NNMT: variants seen among roughly 807,000 people sequenced by gnomAD.
NNMT encodes nicotinamide N-methyltransferase.
A neutral mutation model predicts 11.7 loss-of-function variants in NNMT; 10 were observed. That is an observed-to-expected ratio of 0.85 (90% confidence interval 0.53 to 1.45). The LOEUF is 1.45. Among genes scored for constraint, NNMT ranks in the 40% most tolerant of loss-of-function variants. The pLI is 0.00. For synonymous variants in NNMT, 143 were observed against 133.8 expected (o/e 1.07, Z -0.48); for missense variants, 381 against 319.4 (o/e 1.19, Z -1.47).
chr11:114,274,007 C>T (rs1362443050), intron 2 of NNMT, among the ~76,000 whole-genome samples: 1 of 152,136 alleles, frequency 6.6e-6, no homozygotes, highest in Non-Finnish European at 1.5e-5. Flanking sequence ...AAAGCTTGTT[C>T]TCTACTAGTT....
intron 2 of NNMT, among the ~76,000 whole-genome samples, chr11:114,278,942 A>G (rs2135254771): frequency 6.6e-6 from 1 of 152,348 alleles, no homozygotes; most frequent in African/African-American, 2.4e-5. Context: ...CAGGGTTTCC[A>G]GGGCAGGTGC....
chr11:114,274,050 A>G (rs764512101), intron 2 of NNMT, among the ~76,000 whole-genome samples: 1 of 152,044 alleles, frequency 6.6e-6, no homozygotes, highest in Non-Finnish European at 1.5e-5. Flanking sequence ...TCCTGCTCCT[A>G]ACACTCCCCT....
At chr11:114,272,571 T>G (rs1296882229) in intron 2 of NNMT, among the ~76,000 whole-genome samples, 1 of 152,122 alleles carries the variant, frequency 6.6e-6, no homozygotes, top group African/African-American at 2.4e-5. Flanking sequence ...GTTTCTGAGG[T>G]CGAGATTTCC....
intron 2 of NNMT, among the ~76,000 whole-genome samples, chr11:114,275,497 C>G (rs1341595262): frequency 2.6e-5 from 4 of 152,210 alleles, no homozygotes; most frequent in Non-Finnish European, 5.9e-5. Flanking sequence ...GGAAAGAGCA[C>G]TGACTGCAGG....
intron 2 of NNMT, among the ~76,000 whole-genome samples, chr11:114,265,477 A>G (rs755173641): frequency 6.6e-6 from 1 of 152,136 alleles, no homozygotes; most frequent in South Asian, 2.1e-4. Context: ...TACTTTGTCT[A>G]GCTACATTCT....
rs536229777 is a variant in NNMT, at chr11:114,312,378, C to T, written c.696C>T (p.Ile232=). 17 of 1,614,218 alleles carry T rather than the reference C, an allele frequency of 1.1e-5. No individual in the cohort carries two copies. Among genetic ancestry groups the T allele is most frequent in the East Asian group, 2.2e-5 (1 of 44,886 alleles). The part of the protein sequence containing the change: ...EAAVKEAGYT[I]EWFEVISQSY... ...CTGTGAAAGAGGCTGGCTACACAATCGAATGGTTTGAGGTGATCTCGCAAA... is the reference window on the plus strand; with the variant it reads ...CTGTGAAAGAGGCTGGCTACACAATTGAATGGTTTGAGGTGATCTCGCAAA... The change falls in exon 3 of 3, where the codon ATC becomes ATT. Residue 232 remains isoleucine (I), a synonymous_variant. Transcript: ENST00000299964.
At position 114,313,052 on chromosome 11, in the gene NNMT, G is replaced by A. The variant is rs1945569651; in HGVS notation, c.*575G>A. 1 of 152,330 alleles carries A rather than the reference G, an allele frequency of 6.6e-6. No homozygotes were observed. The highest frequency in any genetic ancestry group is 1.5e-5 in the Non-Finnish European group (1 of 68,162). The allele number at this position is 152,330 out of a possible 1,614,324, so 9.4% of individuals were successfully genotyped here. On this transcript the variant is annotated 3_prime_UTR_variant, in exon 3 of 3. Coordinates refer to ENST00000299964, the MANE Select transcript of NNMT (RefSeq NM_006169.3). ...AAAAAAAATTTTTTTAAGCTACAAA[G>A]ATCACTCCATTTTCAAATTCAGACT...
rs143334116 is a variant in NNMT at position 114,298,571 on chromosome 11, G to A, written c.362+413G>A. On this transcript the variant is annotated intron_variant, in intron 2 of 2. Coordinates refer to ENST00000299964, the MANE Select transcript of NNMT (RefSeq NM_006169.3). The stretch of plus-strand genomic sequence containing the variant: ...TTGTCCCTTGCCTCACTGCCATGCT[G>A]CTGTAGCCATCCAAGCCTATAGAAC... Among the ~76,000 whole-genome samples the A allele has an allele frequency of 7.2e-3, 1,096 of 152,276 alleles. 10 individuals carry two copies. Among genetic ancestry groups the A allele is most frequent in the African/African-American group, 0.025 (1,019 of 41,552 alleles).
At chr11:114,289,467 T>G (rs1945320092) in intron 2 of NNMT, among the ~76,000 whole-genome samples, 2 of 152,196 alleles carry the variant, frequency 1.3e-5, no homozygotes, top group Non-Finnish European at 2.9e-5. Context: ...TCAGTTTTTC[T>G]TCTTTACTAG....
chr11:114,273,839 C>CA lies in NNMT; in HGVS notation c.-130+10914dup, dbSNP rs892477709. 1.9e-4 allele frequency among the ~76,000 whole-genome samples: 29 copies of CA among 150,578 alleles called. 3 individuals carry two copies. Among genetic ancestry groups the CA allele is most frequent in the Admixed American group, 8.6e-4 (13 of 15,116 alleles). On this transcript the variant is annotated intron_variant, in intron 2 of 4. Coordinates refer to the NNMT transcript ENST00000535401. ...TGGGCAACAGAGTGAGACTTTATCT[C>CA]AAAAAAAAAGTTTGAGACCATGTTA...
chr11:114,258,673 T>A (rs1350899855), intron 1 of NNMT, among the ~76,000 whole-genome samples: 4 of 152,058 alleles, frequency 2.6e-5, no homozygotes, highest in Non-Finnish European at 5.9e-5. Context: ...TAGATGAGAG[T>A]CCCTGGTGAC....
intron 1 of NNMT, among the ~76,000 whole-genome samples, chr11:114,261,909 T>G (rs538416656): frequency 1.3e-5 from 2 of 152,300 alleles, no homozygotes; most frequent in Non-Finnish European, 2.9e-5. Flanking sequence ...GGCCTCATCT[T>G]GCACTGAGGG....
chr11:114,268,168 G>A (rs994940852), intron 2 of NNMT, among the ~76,000 whole-genome samples: 1 of 152,090 alleles, frequency 6.6e-6, no homozygotes, highest in Non-Finnish European at 1.5e-5. Flanking sequence ...GTGGAGTGGC[G>A]ACATCGCTGA....
intron 2 of NNMT, among the ~76,000 whole-genome samples, chr11:114,266,863 C>A (rs1433140513): frequency 1.3e-5 from 2 of 152,216 alleles, no homozygotes; most frequent in African/African-American, 4.8e-5. Flanking sequence ...GGTGCCATGC[C>A]CTTGGACTTC....
chr11:114,305,315 G>C (rs1945479885), intron 2 of NNMT, among the ~76,000 whole-genome samples: 1 of 151,196 alleles, frequency 6.6e-6, no homozygotes, highest in South Asian at 2.1e-4. Context: ...CCACCTCCTG[G>C]TTGCCTCTGT....
chr11:114,269,457 TAG>T (rs1015538309), intron 2 of NNMT: 1 of 152,230 alleles, frequency 6.6e-6, no homozygotes, highest in African/African-American at 2.4e-5. Flanking sequence ...CTGTTTTCCA[TAG>T]AGTTCTTGTC....
chr11:114,283,201 C>T (rs1223994467), intron 2 of NNMT, among the ~76,000 whole-genome samples: 1 of 152,100 alleles, frequency 6.6e-6, no homozygotes, highest in African/African-American at 2.4e-5. Flanking sequence ...TCACACAGGT[C>T]TCTATATGAA....
intron 1 of NNMT, among the ~76,000 whole-genome samples, chr11:114,262,611 G>A (rs751902279): frequency 2.3e-4 from 35 of 152,244 alleles, no homozygotes; most frequent in Admixed American, 7.2e-4. Flanking sequence ...TCTTAGGACA[G>A]GTCATCTTTT....
chr11:114,260,439 GCCTTT>G (rs1380445992), intron 1 of NNMT, among the ~76,000 whole-genome samples: 3 of 152,220 alleles, frequency 2.0e-5, no homozygotes, highest in Non-Finnish European at 2.9e-5. Context: ...TGGGAATACA[GCCTTT>G]CCTTCATTCT....
Sources: allele counts gnomAD v4.1 joint callset (sites outside exome capture counted in the v4.1 genomes callset), GRCh38; gene constraint gnomAD v4.1.1; transcripts MANE v1.5; gene names NCBI Gene and HGNC (gene_info 2026-07-23, HGNC 2026-07-21).